The following XPO6 variants were observed in gnomAD, a reference collection of about 807,000 sequenced individuals.
XPO6 encodes the protein exportin-6.
In XPO6, 3 loss-of-function variants were observed where a neutral mutation model predicts 130.0. That is an observed-to-expected ratio of 0.02 (90% CI 0.01 to 0.06). The LOEUF is 0.06. Ranked by LOEUF, XPO6 falls within the 10% of genes least tolerant of loss-of-function variation. The pLI, the probability that XPO6 is intolerant of heterozygous loss-of-function variation, is 1.00. For missense variants in XPO6, 970 were observed against 1,393.0 expected (o/e 0.70, Z 4.83); for synonymous variants, 524 against 548.9 (o/e 0.95, Z 0.63).
At chr16:28,175,722 T>A (rs1287619428) in intron 4 of XPO6, among the ~76,000 whole-genome samples, 176 bp downstream of exon 4, 1 of 152,112 alleles carries the variant, frequency 6.6e-6, no homozygotes, top group Non-Finnish European at 1.5e-5. Context: ...TTTCTCCACC[T>A]CACAAAGATA....
chr16:28,196,750 T>C (rs1338919917), intron 1 of XPO6, among the ~76,000 whole-genome samples: 1 of 152,144 alleles, frequency 6.6e-6, no homozygotes, highest in Non-Finnish European at 1.5e-5. Context: ...ATTCTCCTAG[T>C]TCCTGAGAGC....
At chr16:28,187,510 G>C (rs1179164857) in intron 1 of XPO6, among the ~76,000 whole-genome samples, 1 of 151,970 alleles carries the variant, frequency 6.6e-6, no homozygotes, top group Non-Finnish European at 1.5e-5. Context: ...TTGTGCACAA[G>C]TGGGGACAGT....
intron 3 of XPO6, 23 bp downstream of exon 3, chr16:28,177,197 G>C (rs748973285): frequency 1.4e-5 from 21 of 1,522,566 alleles, no homozygotes; most frequent in Non-Finnish European, 1.9e-5. Flanking sequence ...TTTCAGAAGA[G>C]TATAAAATTA....
chr16:28,151,924 T>C (rs948170958), intron 8 of XPO6, among the ~76,000 whole-genome samples: 1 of 152,192 alleles, frequency 6.6e-6, no homozygotes, highest in African/African-American at 2.4e-5. Context: ...TAGGATGTGA[T>C]AGAAATATCT....
At chr16:28,149,415 G>GTT (rs1363754788) in intron 8 of XPO6, among the ~76,000 whole-genome samples, 4 of 152,314 alleles carry the variant, frequency 2.6e-5, no homozygotes, top group African/African-American at 9.6e-5. Context: ...TCTTATGACT[G>GTT]TTCTTCGAAA....
intron 13 of XPO6, among the ~76,000 whole-genome samples, chr16:28,125,208 G>GA (rs1343823073): frequency 1.3e-5 from 2 of 152,080 alleles, no homozygotes; most frequent in South Asian, 2.1e-4. Flanking sequence ...AATGGGACTG[G>GA]AAAAAACACA....
intron 12 of XPO6, among the ~76,000 whole-genome samples, chr16:28,130,275 G>A (rs2042639894): frequency 6.6e-6 from 1 of 152,176 alleles, no homozygotes; most frequent in African/African-American, 2.4e-5. Flanking sequence ...GACAAGAATC[G>A]CGGCTGGCGC....
In XPO6 at chr16:28,169,780, G is replaced by C. The variant is rs1217762921; in HGVS notation, c.535C>G (p.Gln179Glu). Residue 179 changes from glutamine to glutamate, a missense_variant, in exon 5 of 24, where the codon CAG (glutamine) becomes GAG (glutamate). Physicochemically the swap from Gln to Glu is conservative, Grantham distance 29 (BLOSUM62 2). Transcript: ENST00000304658. ...AGTAGCCCAAGCACTGTCTGCACCT[G>C]GTCCAGTAGCAGCTTCCGCAACTCC... is the stretch of plus-strand genomic sequence containing the variant. Reference protein sequence around the residue: ...KEELRKLLLDQVQTVLGLLTG... With the variant: ...KEELRKLLLDEVQTVLGLLTG... 2 of 1,613,922 alleles carry C rather than the reference G, an allele frequency of 1.2e-6. No homozygotes were observed. The highest frequency in any genetic ancestry group is 8.5e-7 in the Non-Finnish European group (1 of 1,179,990).
intron 14 of XPO6, among the ~76,000 whole-genome samples, chr16:28,119,065 G>C (rs776461959): frequency 2.0e-5 from 3 of 152,198 alleles, no homozygotes; most frequent in African/African-American, 7.2e-5. Flanking sequence ...GCCCAGGCAG[G>C]AGTGCAGTGG....
chr16:28,187,654 G>A (rs1311784934), intron 1 of XPO6, among the ~76,000 whole-genome samples: 1 of 149,346 alleles, frequency 6.7e-6, no homozygotes. Context: ...TCTCTACCCA[G>A]AACATCAACT....
intron 3 of XPO6, among the ~76,000 whole-genome samples, chr16:28,176,690 A>G (rs1291420585): frequency 7.3e-6 from 1 of 137,084 alleles, no homozygotes; most frequent in Non-Finnish European, 1.6e-5. Context: ...TTGCATTTTT[A>G]GTAGAGACGG....
intron 18 of XPO6, among the ~76,000 whole-genome samples, chr16:28,107,256 T>C (rs2086806257): frequency 6.6e-6 from 1 of 152,152 alleles, no homozygotes; most frequent in Non-Finnish European, 1.5e-5. Context: ...TGCCACAAAA[T>C]AAGGAGAACT....
At chr16:28,166,479 G>T (rs750627982) in intron 6 of XPO6, 29 bp downstream of exon 6, 1 of 1,560,466 alleles carries the variant, frequency 6.4e-7, no homozygotes, top group South Asian at 1.2e-5. Flanking sequence ...TTAAAAAGAA[G>T]AATGCCTTGG....
rs1460875568 is a variant in XPO6, at chr16:28,156,280, C to T, written c.891G>A (p.Gln297=). The T allele has an allele frequency of 1.2e-6, 2 of 1,614,072 alleles. No homozygotes were observed. Among genetic ancestry groups the T allele is most frequent in the Admixed American group, 1.7e-5 (1 of 60,002 alleles). The change falls in exon 7 of 24, where the codon CAG becomes CAA. Residue 297 remains glutamine (Q), a synonymous_variant. Coordinates refer to ENST00000304658, the MANE Select transcript of XPO6 (RefSeq NM_015171.4). ...RKMASVNGSS[Q]NCVSGQERGR... ...CGCGCTCCTGACCCGAGACACAGTT[C>T]TGGCTGCTGCCGTTAACTGACGCCA... is the stretch of plus-strand genomic sequence containing the variant.
At chr16:28,153,239 T>G in intron 7 of XPO6, 11 of 993,062 alleles carry the variant, frequency 1.1e-5, no homozygotes, top group Non-Finnish European at 1.3e-5. Flanking sequence ...CCAGGTAAGA[T>G]GTACTCAGGC....
At position 28,211,412 on chromosome 16, in the gene XPO6, TTCGG is replaced by T; in HGVS notation, c.-48_-45del. Reference sequence around the variant, plus strand: ...GGCTCAGATGAGCTGGTTCTTGGGCTTCGGACACGTCCCGCTCGCACAGTTCAGG... The same window carrying T: ...GGCTCAGATGAGCTGGTTCTTGGGCTACACGTCCCGCTCGCACAGTTCAGG... On this transcript the variant is annotated 5_prime_UTR_variant, in exon 1 of 24. Transcript: ENST00000304658. The T allele has an allele frequency of 1.5e-6, 2 of 1,311,464 alleles. No individual in the cohort carries two copies. Among genetic ancestry groups the T allele is most frequent in the African/African-American group, 3.0e-5 (2 of 66,340 alleles). 81.2% of individuals were successfully genotyped at this position (1,311,464 alleles called of 1,614,324 possible). A position where few individuals can be genotyped will look rare whatever the true frequency, so the allele number is the denominator to read the frequency against.
chr16:28,120,711 AACC>A (rs1450078783), intron 14 of XPO6, among the ~76,000 whole-genome samples: 1 of 152,230 alleles, frequency 6.6e-6, no homozygotes, highest in East Asian at 1.9e-4. Flanking sequence ...AAAAGTTTAA[AACC>A]ACCATAGTAA....
chr16:28,196,915 C>T (rs2043873575), intron 1 of XPO6, among the ~76,000 whole-genome samples: 6 of 152,138 alleles, frequency 3.9e-5, no homozygotes, highest in Admixed American at 3.9e-4. Context: ...TTTCAGCCAC[C>T]AAAATTGGGA....
At chr16:28,125,596 C>A in intron 13 of XPO6, 93 bp downstream of exon 13, 5 of 1,481,116 alleles carry the variant, frequency 3.4e-6, no homozygotes, top group Non-Finnish European at 4.6e-6. Flanking sequence ...GGGGCCAGAG[C>A]AGAAGCTATT....
Sources: allele counts gnomAD v4.1 joint callset (sites outside exome capture counted in the v4.1 genomes callset), GRCh38; gene constraint gnomAD v4.1.1; transcripts MANE v1.5; gene names NCBI Gene and HGNC (gene_info 2026-07-23, HGNC 2026-07-21).